The following ROBO1 variants were observed in gnomAD, a reference collection of about 807,000 sequenced individuals.
ROBO1 encodes the protein roundabout homolog 1.
A neutral mutation model predicts 195.9 loss-of-function variants in ROBO1; 149 were observed. The ratio of observed to expected loss-of-function variants is 0.76; its 90% CI spans 0.67 to 0.87. The LOEUF is 0.87. Among genes scored for constraint, ROBO1 ranks in the 40% least tolerant of loss-of-function variants. The pLI is 0.00. For synonymous variants in ROBO1, 816 were observed against 733.2 expected (o/e 1.11, Z -1.82); for missense variants, 1,933 against 2,068.3 (o/e 0.93, Z 1.27).
At chr3:79,446,260 C>T (rs2107165354) in intron 2 of ROBO1, among the ~76,000 whole-genome samples, 1 of 152,178 alleles carries the variant, frequency 6.6e-6, no homozygotes. Flanking sequence ...TAGGTAACAT[C>T]AAAATAAATT....
intron 2 of ROBO1, among the ~76,000 whole-genome samples, chr3:79,545,210 C>T (rs774050270): frequency 9.9e-5 from 15 of 152,094 alleles, no homozygotes; most frequent in Admixed American, 2.0e-4. Context: ...ACTGCTACAT[C>T]GATGAAGGCA....
chr3:79,691,697 A>G, intron 1 of ROBO1, among the ~76,000 whole-genome samples: 1 of 152,012 alleles, frequency 6.6e-6, no homozygotes, highest in South Asian at 2.1e-4. Flanking sequence ...TGCTAATTTT[A>G]TCAGCATAAG....
chr3:78,962,866 T>C (rs2041449916), intron 3 of ROBO1, among the ~76,000 whole-genome samples: 3 of 150,710 alleles, frequency 2.0e-5, no homozygotes, highest in Non-Finnish European at 3.0e-5. Flanking sequence ...ACATTTACTG[T>C]TCTCCTGATG....
At chr3:79,409,278 T>C (rs2037674921) in intron 2 of ROBO1, among the ~76,000 whole-genome samples, 1 of 152,144 alleles carries the variant, frequency 6.6e-6, no homozygotes, top group African/African-American at 2.4e-5. Flanking sequence ...AAAAAAGATT[T>C]ATAAAGTCTC....
intron 1 of ROBO1, among the ~76,000 whole-genome samples, chr3:79,651,503 T>C (rs2106750442): frequency 6.6e-6 from 1 of 152,208 alleles, no homozygotes; most frequent in Middle Eastern, 3.4e-3. Context: ...GTTGTTCAAA[T>C]TTACTTCACA....
intron 3 of ROBO1, among the ~76,000 whole-genome samples, chr3:78,954,154 A>T (rs192449374): frequency 8.9e-4 from 132 of 147,824 alleles, no homozygotes; most frequent in African/African-American, 3.2e-3. Context: ...GACAGAAAAG[A>T]AAAAAAAAAC....
In ROBO1 at chr3:78,823,537, G is replaced by A. The variant is rs558355073; in HGVS notation, c.500-76637C>T. Among the ~76,000 whole-genome samples the A allele has an allele frequency of 8.5e-5, 13 of 152,200 alleles. No homozygotes were observed. In the South Asian group the frequency reaches 1.5e-3, roughly 17 times the overall value. On this transcript the variant is annotated intron_variant, in intron 4 of 30. Coordinates refer to ENST00000464233, the MANE Select transcript of ROBO1 (RefSeq NM_002941.4). ...AATTTTAAGGATCGTCCATATATACGTGTGGCGGAAAGCATGTGTCCAGGC... is the reference window on the plus strand; with the variant it reads ...AATTTTAAGGATCGTCCATATATACATGTGGCGGAAAGCATGTGTCCAGGC...
At chr3:79,411,527 T>A (rs575283191) in intron 2 of ROBO1, among the ~76,000 whole-genome samples, 1 of 152,286 alleles carries the variant, frequency 6.6e-6, no homozygotes, top group East Asian at 1.9e-4. Context: ...CAGGACAAAG[T>A]GCTAAGATGC....
At chr3:79,516,723 T>G (rs1940960786) in intron 2 of ROBO1, among the ~76,000 whole-genome samples, 1 of 152,210 alleles carries the variant, frequency 6.6e-6, no homozygotes. Flanking sequence ...TCAGAATTAA[T>G]TAAATCATTG....
chr3:79,080,931 C>T (rs1018852168), intron 3 of ROBO1, among the ~76,000 whole-genome samples: 1 of 151,900 alleles, frequency 6.6e-6, no homozygotes, highest in African/African-American at 2.4e-5. Flanking sequence ...CAAAGAAAAA[C>T]CTTTCTGAAT....
chr3:79,584,253 AATATATATATATAT>A (rs10526101), intron 2 of ROBO1, among the ~76,000 whole-genome samples: 28,076 of 144,548 alleles, frequency 0.19, 3,922 homozygotes, highest in African/African-American at 0.39. Flanking sequence ...AGGTACATGT[AATATATATATATAT>A]ATATATATAT....
rs60522056 is a variant in ROBO1 at position 79,017,450 on chromosome 3, AGTGTGTGTGTGT to A, written c.173-78535_173-78524del. On this transcript the variant is annotated intron_variant, in intron 3 of 30. Coordinates refer to ENST00000464233, the MANE Select transcript of ROBO1 (RefSeq NM_002941.4). Reference sequence around the variant, plus strand: ...TGTGACTATAAAAATTCCGAGGTGCAGTGTGTGTGTGTGTGTGTGTGTGTGTGTGTGTGTGTG... The same window carrying A: ...TGTGACTATAAAAATTCCGAGGTGCAGTGTGTGTGTGTGTGTGTGTGTGTG... Among the ~76,000 whole-genome samples the A allele has an allele frequency of 4.3e-3, 568 of 133,508 alleles. 5 individuals are homozygous for A. The highest frequency in any genetic ancestry group is 0.015 in the African/African-American group (537 of 35,462). 87.6% of individuals were successfully genotyped at this position (133,508 alleles called of 152,430 possible).
At chr3:78,671,168 T>C (rs1020171155) in intron 10 of ROBO1, among the ~76,000 whole-genome samples, 2 of 152,154 alleles carry the variant, frequency 1.3e-5, no homozygotes, top group African/African-American at 4.8e-5. Context: ...ATCTAAAATC[T>C]AAAAACTTTA....
At chr3:79,198,546 TTAAAG>T (rs1241305114) in intron 2 of ROBO1, among the ~76,000 whole-genome samples, 7 of 152,078 alleles carry the variant, frequency 4.6e-5, no homozygotes, top group Admixed American at 1.3e-4. Flanking sequence ...CACATGAACT[TTAAAG>T]TAGTTTTTTC....
At position 79,074,947 on chromosome 3, in the gene ROBO1, T is replaced by G. The variant is rs565491694; in HGVS notation, c.172+50509A>C. Among the ~76,000 whole-genome samples the G allele has an allele frequency of 9.2e-5, 14 of 152,024 alleles. No individual in the cohort carries two copies. In the South Asian group the frequency reaches 1.2e-3, roughly 14 times the overall value. Reference sequence around the variant, plus strand: ...TAATAAATTGTGTTAAAAGTAACAATGCATATGATAAAACAGAAACCTTTA... The same window carrying G: ...TAATAAATTGTGTTAAAAGTAACAAGGCATATGATAAAACAGAAACCTTTA... On this transcript the variant is annotated intron_variant, in intron 3 of 30. Transcript: ENST00000464233.
intron 2 of ROBO1, among the ~76,000 whole-genome samples, chr3:79,421,763 C>T (rs1040018847): frequency 5.9e-5 from 9 of 152,160 alleles, no homozygotes; most frequent in Non-Finnish European, 5.9e-5. Context: ...ATATTGCTGA[C>T]GGTAAAGCAA....
intron 4 of ROBO1, among the ~76,000 whole-genome samples, chr3:78,788,261 GC>G (rs932402060): frequency 2.0e-5 from 3 of 150,186 alleles, no homozygotes; most frequent in Admixed American, 1.3e-4. Context: ...GGCTAAAGGC[GC>G]CCGCCACCAC....
At chr3:78,750,089 T>C (rs565574612) in intron 4 of ROBO1, among the ~76,000 whole-genome samples, 1 of 152,298 alleles carries the variant, frequency 6.6e-6, no homozygotes, top group Non-Finnish European at 1.5e-5. Context: ...TTTCATTTTT[T>C]ATTCTATTAA....
At chr3:79,151,495 T>C (rs1020401418) in intron 2 of ROBO1, among the ~76,000 whole-genome samples, 1 of 151,172 alleles carries the variant, frequency 6.6e-6, no homozygotes. Flanking sequence ...ACCTGGACCA[T>C]GTCAATAGCC....
Sources: gnomAD v4.1 joint callset for allele counts (sites outside exome capture counted in the v4.1 genomes callset) on GRCh38, gnomAD v4.1.1 for gene constraint, MANE v1.5 for transcripts, NCBI Gene and HGNC (gene_info 2026-07-23, HGNC 2026-07-21) for gene names.